PDE1A: variants seen among roughly 807,000 people sequenced by gnomAD.
PDE1A encodes the protein dual specificity calcium/calmodulin-dependent 3',5'-cyclic nucleotide phosphodiesterase 1A.
PDE1A carries 35 observed loss-of-function variants against 61.7 expected under a neutral mutation model. That is an observed-to-expected ratio of 0.57 (90% CI 0.43 to 0.75). PDE1A has a LOEUF of 0.75. Ranked by LOEUF, PDE1A falls within the 30% of genes least tolerant of loss-of-function variation. PDE1A has a pLI of 0.00. For synonymous variants in PDE1A, 232 were observed against 213.2 expected (o/e 1.09, Z -0.77); for missense variants, 597 against 630.6 (o/e 0.95, Z 0.57).
intron 1 of PDE1A, among the ~76,000 whole-genome samples, chr2:182,305,432 T>C (rs1447484510): frequency 2.6e-5 from 4 of 152,126 alleles, no homozygotes; most frequent in African/African-American, 7.2e-5. Flanking sequence ...AATAAAACTT[T>C]ATAAAAAGAG....
intron 2 of PDE1A, among the ~76,000 whole-genome samples, chr2:182,514,171 A>C (rs1331194272): frequency 6.6e-6 from 1 of 152,232 alleles, no homozygotes; most frequent in Non-Finnish European, 1.5e-5. Flanking sequence ...TGCTTAAAGA[A>C]ATCAGAGATG....
intron 2 of PDE1A, among the ~76,000 whole-genome samples, chr2:182,505,408 AC>A (rs139461355): frequency 0.012 from 1,896 of 152,274 alleles, 39 homozygotes; most frequent in African/African-American, 0.043. Context: ...AAAAACAAAC[AC>A]ATTGTTTCCC....
At chr2:182,497,066 T>A (rs1047934660) in intron 2 of PDE1A, among the ~76,000 whole-genome samples, 1 of 152,196 alleles carries the variant, frequency 6.6e-6, no homozygotes, top group South Asian at 2.1e-4. Context: ...TGAAAAAAAA[T>A]TTTAATTTAT....
At position 182,508,814 on chromosome 2, in the gene PDE1A, T is replaced by C. The variant is rs560169075; in HGVS notation, c.101+13462A>G. Among the ~76,000 whole-genome samples the C allele has an allele frequency of 6.6e-5, 10 of 150,604 alleles. No homozygotes were observed. In the East Asian group the frequency reaches 1.9e-3, roughly 29 times the overall value. On this transcript the variant is annotated intron_variant, in intron 2 of 14. Transcript: ENST00000410103. Reference sequence around the variant, plus strand: ...ATTTTATTTTATTTTATTTTTTATTTTTTTTTTAATTATACTTTAAGTTTT... The same window carrying C: ...ATTTTATTTTATTTTATTTTTTATTCTTTTTTTAATTATACTTTAAGTTTT...
intron 2 of PDE1A, among the ~76,000 whole-genome samples, chr2:182,498,992 T>G (rs528260707): frequency 3.3e-5 from 5 of 151,628 alleles, no homozygotes; most frequent in East Asian, 2.0e-4. Flanking sequence ...TTGGTTTTTG[T>G]TTTTTGTTTT....
chr2:182,351,351 T>C (rs1415429175), intron 1 of PDE1A, among the ~76,000 whole-genome samples: 1 of 152,206 alleles, frequency 6.6e-6, no homozygotes, highest in African/African-American at 2.4e-5. Flanking sequence ...TAAGGGGTAG[T>C]TTCTAGTCAT....
chr2:182,642,396 A>G, the PDE1A span, among the ~76,000 whole-genome samples: 77 of 152,288 alleles, frequency 5.1e-4, no homozygotes, highest in African/African-American at 1.7e-3. Context: ...GCCTCAGATC[A>G]GACAGGATTT....
At chr2:182,325,773 G>A (rs1697001582) in intron 1 of PDE1A, among the ~76,000 whole-genome samples, 1 of 152,062 alleles carries the variant, frequency 6.6e-6, no homozygotes, top group East Asian at 1.9e-4. Flanking sequence ...AAAAAAATTA[G>A]CCTGGCATGG....
At chr2:182,288,325 C>T (rs1251373310) in intron 1 of PDE1A, among the ~76,000 whole-genome samples, 3 of 152,078 alleles carry the variant, frequency 2.0e-5, no homozygotes, top group Non-Finnish European at 2.9e-5. Flanking sequence ...CAAAGGTAAT[C>T]GCCGTACACA....
intron 2 of PDE1A, among the ~76,000 whole-genome samples, chr2:182,449,259 GA>G (rs2125708753): frequency 6.7e-6 from 1 of 148,576 alleles, no homozygotes; most frequent in South Asian, 2.1e-4. Flanking sequence ...AAAAGCAAAT[GA>G]AAACATAATT....
At chr2:182,598,313 T>A in the PDE1A span, among the ~76,000 whole-genome samples, 1 of 152,218 alleles carries the variant, frequency 6.6e-6, no homozygotes, top group Non-Finnish European at 1.5e-5. Flanking sequence ...GGATCACGCC[T>A]GTAATTCCAG....
chr2:182,671,363 T>G, the PDE1A span, among the ~76,000 whole-genome samples: 1 of 135,576 alleles, frequency 7.4e-6, no homozygotes, highest in East Asian at 2.1e-4. Flanking sequence ...TTTTTTTTTG[T>G]ATTTTTAGTA....
intron 1 of PDE1A, among the ~76,000 whole-genome samples, chr2:182,292,964 A>T (rs1364113184): frequency 6.6e-6 from 1 of 152,122 alleles, no homozygotes; most frequent in Non-Finnish European, 1.5e-5. Context: ...ATACATAAAA[A>T]GTAACTCCTT....
chr2:182,515,789 C>T (rs975186158), intron 2 of PDE1A, among the ~76,000 whole-genome samples: 1 of 152,020 alleles, frequency 6.6e-6, no homozygotes, highest in African/African-American at 2.4e-5. Context: ...CAGTAAATAC[C>T]CTCCATCTCA....
chr2:182,327,733 T>C (rs566748090), intron 1 of PDE1A, among the ~76,000 whole-genome samples: 4 of 152,204 alleles, frequency 2.6e-5, no homozygotes, highest in Admixed American at 2.6e-4. Flanking sequence ...TTGAGAAGTA[T>C]GGAGGAATAG....
chr2:182,636,961 T>G, the PDE1A span, among the ~76,000 whole-genome samples: 1 of 152,246 alleles, frequency 6.6e-6, no homozygotes, highest in Non-Finnish European at 1.5e-5. Flanking sequence ...AATGGCGGGT[T>G]GAATACCTCT....
At chr2:182,591,547 CT>C in the PDE1A span, among the ~76,000 whole-genome samples, 1 of 151,536 alleles carries the variant, frequency 6.6e-6, no homozygotes, top group Non-Finnish European at 1.5e-5. Context: ...ATTTCTCAAC[CT>C]TGGCACTACC....
the PDE1A span, among the ~76,000 whole-genome samples, chr2:182,580,641 A>C: frequency 6.6e-6 from 1 of 152,220 alleles, no homozygotes; most frequent in African/African-American, 2.4e-5. Context: ...CTTAAATGGA[A>C]GACTGGCTTT....
At chr2:182,403,435 T>G (rs1702119930) in intron 1 of PDE1A, among the ~76,000 whole-genome samples, 1 of 151,572 alleles carries the variant, frequency 6.6e-6, no homozygotes, top group African/African-American at 2.4e-5. Flanking sequence ...CCGTCTCTAC[T>G]AAAAATACAA....
Sources: allele counts gnomAD v4.1 joint callset (sites outside exome capture counted in the v4.1 genomes callset), GRCh38; gene constraint gnomAD v4.1.1; transcripts MANE v1.5; gene names NCBI Gene and HGNC (gene_info 2026-07-23, HGNC 2026-07-21).